The following TENM2 variants were observed in gnomAD, a reference collection of about 807,000 sequenced individuals.
The protein encoded by TENM2 is teneurin-2.
A neutral mutation model predicts 245.2 loss-of-function variants in TENM2; 52 were observed. The observed-to-expected ratio is 0.21, with a 90% CI of 0.17 to 0.27. TENM2 has a LOEUF of 0.27. Among genes scored for constraint, TENM2 ranks in the 10% least tolerant of loss-of-function variants. The probability of loss-of-function intolerance (pLI) is 1.00; values close to 1 mark genes in which losing one functional copy is unlikely to be tolerated. For synonymous variants in TENM2, 1,363 were observed against 1,438.9 expected (o/e 0.95, Z 1.19); for missense variants, 3,046 against 3,666.8 (o/e 0.83, Z 4.37).
chr5:167,193,178 C>G, the TENM2 span, among the ~76,000 whole-genome samples: 1 of 151,924 alleles, frequency 6.6e-6, no homozygotes, highest in African/African-American at 2.4e-5. Context: ...AGTGTCAGTT[C>G]CCATTTCTCT....
chr5:166,991,366 C>T, the TENM2 span, among the ~76,000 whole-genome samples: 13 of 150,664 alleles, frequency 8.6e-5, no homozygotes, highest in African/African-American at 2.4e-4. Context: ...TATTTGTGTG[C>T]GTATGGTTTT....
the TENM2 span, among the ~76,000 whole-genome samples, chr5:167,123,154 A>T: frequency 1.3e-5 from 2 of 151,754 alleles, no homozygotes; most frequent in South Asian, 2.1e-4. Flanking sequence ...AAAAAAAAAA[A>T]AAAAAATTAG....
At chr5:166,997,750 AG>A in the TENM2 span, among the ~76,000 whole-genome samples, 1 of 152,188 alleles carries the variant, frequency 6.6e-6, no homozygotes, top group African/African-American at 2.4e-5. Context: ...TGGAAATTGT[AG>A]GCATCAGATC....
chr5:168,250,964 T>A (rs532908551), intron 27 of TENM2, among the ~76,000 whole-genome samples: 1 of 152,194 alleles, frequency 6.6e-6, no homozygotes, highest in African/African-American at 2.4e-5. Context: ...ATGGAGGGGA[T>A]CACGGACGGC....
At chr5:168,116,997 A>G (rs1581359369) in intron 9 of TENM2, among the ~76,000 whole-genome samples, 1 of 152,174 alleles carries the variant, frequency 6.6e-6, no homozygotes, top group Non-Finnish European at 1.5e-5. Context: ...TTAGGCCCAA[A>G]TTTGAAGGCA....
chr5:167,196,516 G>GTATATATATGTGTA, the TENM2 span, among the ~76,000 whole-genome samples: 2 of 141,558 alleles, frequency 1.4e-5, no homozygotes, highest in African/African-American at 6.0e-5. Context: ...ATATGTGTGT[G>GTATATATATGTGTA]TATATATATA....
At chr5:167,178,045 A>G in the TENM2 span, among the ~76,000 whole-genome samples, 3 of 152,230 alleles carry the variant, frequency 2.0e-5, no homozygotes, top group African/African-American at 7.2e-5. Context: ...TTATTCTTAC[A>G]GTGACAAATG....
chr5:167,236,308 A>T, the TENM2 span, among the ~76,000 whole-genome samples: 1 of 152,210 alleles, frequency 6.6e-6, no homozygotes, highest in Non-Finnish European at 1.5e-5. Flanking sequence ...TAAGCTGGTC[A>T]ACTCAAAGAA....
chr5:167,589,293 C>T (rs573574370), intron 2 of TENM2, among the ~76,000 whole-genome samples: 1 of 152,114 alleles, frequency 6.6e-6, no homozygotes, highest in African/African-American at 2.4e-5. Flanking sequence ...CATGTGTTGT[C>T]TCTGTTCAGT....
At chr5:167,457,879 T>C (rs1416315543) in intron 2 of TENM2, among the ~76,000 whole-genome samples, 2 of 152,218 alleles carry the variant, frequency 1.3e-5, no homozygotes, top group African/African-American at 4.8e-5. Context: ...GAGAGAGTTT[T>C]TACTTTCCAG....
chr5:167,590,511 G>C (rs1323297081), intron 2 of TENM2, among the ~76,000 whole-genome samples: 3 of 151,910 alleles, frequency 2.0e-5, no homozygotes, highest in African/African-American at 7.2e-5. Flanking sequence ...TTACTATACT[G>C]TTTTGTTATT....
the TENM2 span, among the ~76,000 whole-genome samples, chr5:167,190,620 A>G: frequency 6.6e-6 from 1 of 152,210 alleles, no homozygotes; most frequent in East Asian, 1.9e-4. Flanking sequence ...CTAGGTTTCT[A>G]AGAACCATGG....
chr5:167,339,002 A>G lies in TENM2; in HGVS notation c.227-36196A>G, dbSNP rs369859053. ...GGGAAGATGAGGCTTCAGTATGCCA[A>G]GTTTAGGGGGACACAATTCCATCCA... On this transcript the variant is annotated intron_variant, in intron 1 of 28. Transcript: ENST00000518659. 4.5e-4 allele frequency among the ~76,000 whole-genome samples: 68 copies of G among 152,314 alleles called. No homozygotes were observed. In the East Asian group the frequency reaches 7.3e-3, roughly 16 times the overall value.
At chr5:167,440,607 A>G (rs777382810) in intron 2 of TENM2, among the ~76,000 whole-genome samples, 2 of 152,208 alleles carry the variant, frequency 1.3e-5, no homozygotes, top group Non-Finnish European at 1.5e-5. Context: ...TGTGGTAAAT[A>G]TTGGACATCC....
intron 1 of TENM2, among the ~76,000 whole-genome samples, chr5:167,307,681 G>T (rs187080556): frequency 2.6e-5 from 4 of 152,272 alleles, no homozygotes; most frequent in Admixed American, 2.0e-4. Flanking sequence ...ATCACCTGCT[G>T]GTGAGGTCCA....
intron 6 of TENM2, among the ~76,000 whole-genome samples, chr5:168,057,921 A>T (rs955183375): frequency 5.3e-5 from 8 of 150,236 alleles, no homozygotes; most frequent in Admixed American, 1.3e-4. Flanking sequence ...ATATGGCTTT[A>T]CTCTCTCTCT....
chr5:167,297,250 A>G (rs1448228595), intron 1 of TENM2, among the ~76,000 whole-genome samples: 1 of 152,190 alleles, frequency 6.6e-6, no homozygotes, highest in African/African-American at 2.4e-5. Context: ...GTTTAGGTTA[A>G]TAAATGCAAT....
the TENM2 span, among the ~76,000 whole-genome samples, chr5:167,132,924 T>A: frequency 6.6e-6 from 1 of 152,184 alleles, no homozygotes. Flanking sequence ...TCAGTGGAAG[T>A]GTGGAAGCTC....
intron 1 of TENM2, among the ~76,000 whole-genome samples, chr5:167,374,880 A>G (rs1247089535): frequency 1.3e-5 from 2 of 152,208 alleles, no homozygotes; most frequent in African/African-American, 2.4e-5. Context: ...CTTGGTGTAT[A>G]TTAGCTATTT....
Sources: allele counts gnomAD v4.1 joint callset (sites outside exome capture counted in the v4.1 genomes callset), GRCh38; gene constraint gnomAD v4.1.1; transcripts MANE v1.5; gene names NCBI Gene and HGNC (gene_info 2026-07-23, HGNC 2026-07-21).